Variants in GNG4 observed in about 807,000 individuals in gnomAD.
The protein encoded by GNG4 is guanine nucleotide-binding protein G(I)/G(S)/G(O) subunit gamma-4.
GNG4 carries 4 observed loss-of-function variants against 5.8 expected under a neutral mutation model. The observed-to-expected ratio is 0.69, with a 90% CI of 0.34 to 1.57. The LOEUF is 1.57. Among genes scored for constraint, GNG4 ranks in the 40% most tolerant of loss-of-function variants. The probability of loss-of-function intolerance (pLI) is 0.06; values close to 1 mark genes in which losing one functional copy is unlikely to be tolerated. For missense variants in GNG4, 96 were observed against 95.1 expected (o/e 1.01, Z -0.04); for synonymous variants, 29 against 32.9 (o/e 0.88, Z 0.41).
chr1:235,637,097 T>C (rs1411006165), intron 1 of GNG4, among the ~76,000 whole-genome samples: 1 of 151,350 alleles, frequency 6.6e-6, no homozygotes, highest in African/African-American at 2.4e-5. Context: ...GGCATTTCTG[T>C]AAAGATCAAG....
chr1:235,590,802 C>T (rs115160806), intron 2 of GNG4, among the ~76,000 whole-genome samples: 2,697 of 152,296 alleles, frequency 0.018, 62 homozygotes, highest in African/African-American at 0.048. Context: ...AGGAGAGCAC[C>T]ACTGCTGGCT....
At chr1:235,628,126 G>A (rs1688855342) in intron 1 of GNG4, among the ~76,000 whole-genome samples, 1 of 152,184 alleles carries the variant, frequency 6.6e-6, no homozygotes, top group African/African-American at 2.4e-5. Context: ...GTTGCAGTGG[G>A]CTGAGATTGT....
chr1:235,606,646 G>A (rs1324484784), intron 1 of GNG4, among the ~76,000 whole-genome samples: 1 of 152,150 alleles, frequency 6.6e-6, no homozygotes, highest in Non-Finnish European at 1.5e-5. Flanking sequence ...AACTTAGGAG[G>A]CCTTTGGGAA....
Position 235,649,069 on chromosome 1 carries a change from T to A in GNG4, c.-123+593A>T, listed in dbSNP as rs529044020. 3.3e-5 allele frequency among the ~76,000 whole-genome samples: 5 copies of A among 151,946 alleles called. No individual in the cohort carries two copies. The highest frequency in any genetic ancestry group is 7.4e-5 in the Non-Finnish European group (5 of 67,974). On this transcript the variant is annotated intron_variant, in intron 1 of 3. Coordinates refer to ENST00000391854, the MANE Select transcript of GNG4 (RefSeq NM_001098722.2). This position sits in a 1 kb window ranked among gnomAD's most constrained non-coding sequence, Gnocchi z 5.7. Reference sequence around the variant, plus strand: ...CGCGGCGAACGAAGCACATTTCAGTTCAGCACCAGCCTCGGGGACAGACGC... The same window carrying A: ...CGCGGCGAACGAAGCACATTTCAGTACAGCACCAGCCTCGGGGACAGACGC...
intron 1 of GNG4, among the ~76,000 whole-genome samples, chr1:235,609,392 C>T (rs1048227339): frequency 6.6e-6 from 1 of 152,140 alleles, no homozygotes; most frequent in African/African-American, 2.4e-5. Flanking sequence ...TCTTCACATC[C>T]TTGCCAACAT....
At chr1:235,620,672 A>T (rs1433805220) in intron 1 of GNG4, among the ~76,000 whole-genome samples, 1 of 152,036 alleles carries the variant, frequency 6.6e-6, no homozygotes, top group Non-Finnish European at 1.5e-5. Context: ...TGTAGCTGGG[A>T]CTACAGGTGC....
chr1:235,550,345 G>A lies in GNG4; in HGVS notation c.*1764C>T, dbSNP rs1686710055. Reference sequence around the variant, plus strand: ...CGGTGTGCAGTTATGATAGTTTGTGGGTCTCCCTACCTGCAAACAGGTAGA... The same window carrying A: ...CGGTGTGCAGTTATGATAGTTTGTGAGTCTCCCTACCTGCAAACAGGTAGA... On this transcript the variant is annotated 3_prime_UTR_variant, in exon 4 of 4. Coordinates refer to ENST00000391854, the MANE Select transcript of GNG4 (RefSeq NM_001098722.2). The A allele has an allele frequency of 6.6e-6, 1 of 152,192 alleles. No individual in the cohort carries two copies. Among genetic ancestry groups the A allele is most frequent in the Admixed American group, 6.5e-5 (1 of 15,280 alleles). 9.4% of individuals were successfully genotyped at this position (152,192 alleles called of 1,614,324 possible). A position where few individuals can be genotyped will look rare whatever the true frequency, so the allele number is the denominator to read the frequency against.
intron 1 of GNG4, among the ~76,000 whole-genome samples, chr1:235,639,835 C>T (rs960518510): frequency 6.6e-6 from 1 of 152,218 alleles, no homozygotes. Context: ...CTCTGTCTCC[C>T]TCACTGGATT....
rs75783182 is a variant in GNG4 at position 235,564,253 on chromosome 1, C to G, written c.100-12016G>C. Among the ~76,000 whole-genome samples the G allele has an allele frequency of 1.1e-3, 172 of 152,020 alleles. 1 individual carries two copies. The East Asian group carries it at 0.019, about 17-fold the overall frequency. ...GTCACAAAGATGGGAATAGGAGACA[C>G]CAGGAACGAGAGACACACTACTTGA... On this transcript the variant is annotated intron_variant, in intron 3 of 3. Coordinates refer to ENST00000391854, the MANE Select transcript of GNG4 (RefSeq NM_001098722.2).
intron 2 of GNG4, among the ~76,000 whole-genome samples, chr1:235,594,056 G>A (rs922867157): frequency 4.6e-5 from 7 of 152,158 alleles, no homozygotes; most frequent in Non-Finnish European, 1.0e-4. Flanking sequence ...TGATTGGTCC[G>A]TTTTGACAGG....
intron 1 of GNG4, among the ~76,000 whole-genome samples, chr1:235,603,935 G>A (rs1243957274): frequency 6.6e-6 from 1 of 152,102 alleles, no homozygotes; most frequent in African/African-American, 2.4e-5. Flanking sequence ...ACAACAGAAA[G>A]AGAAACTAGA....
intron 3 of GNG4, among the ~76,000 whole-genome samples, chr1:235,553,732 A>C (rs761003058): frequency 1.1e-4 from 16 of 152,236 alleles, no homozygotes; most frequent in Non-Finnish European, 2.1e-4. Flanking sequence ...ACATTTGTTA[A>C]GAATGTGGCA....
At position 235,551,150 on chromosome 1, in the gene GNG4, G is replaced by A. The variant is rs959749289; in HGVS notation, c.*959C>T. 1 of 152,220 alleles carries A rather than the reference G, an allele frequency of 6.6e-6. No individual in the cohort carries two copies. Among genetic ancestry groups the A allele is most frequent in the Admixed American group, 6.5e-5 (1 of 15,274 alleles). 9.4% of individuals were successfully genotyped at this position (152,220 alleles called of 1,614,324 possible). On this transcript the variant is annotated 3_prime_UTR_variant, in exon 4 of 4. Coordinates refer to ENST00000391854, the MANE Select transcript of GNG4 (RefSeq NM_001098722.2). Reference sequence around the variant, plus strand: ...GTACTTTTACAGTCAAGTTGACTTCGGTGTCCGCCCACCATCTACCTTTGT... The same window carrying A: ...GTACTTTTACAGTCAAGTTGACTTCAGTGTCCGCCCACCATCTACCTTTGT...
At chr1:235,611,169 CTCTT>C (rs951916584) in intron 1 of GNG4, among the ~76,000 whole-genome samples, 5 of 151,420 alleles carry the variant, frequency 3.3e-5, no homozygotes, top group African/African-American at 1.2e-4. Context: ...CTCTCTCTCT[CTCTT>C]TTTTTTTTTT....
intron 3 of GNG4, among the ~76,000 whole-genome samples, chr1:235,575,045 G>A (rs568842263): frequency 6.6e-6 from 1 of 152,176 alleles, no homozygotes; most frequent in African/African-American, 2.4e-5. Context: ...GGCTAGTCTC[G>A]AACTCCTGAC....
chr1:235,587,147 TGTGGG>T (rs1231572365), intron 2 of GNG4, among the ~76,000 whole-genome samples: 4 of 142,954 alleles, frequency 2.8e-5, no homozygotes, highest in Non-Finnish European at 6.1e-5. Context: ...TGTGTGAAAG[TGTGGG>T]GTGGGGGTGA....
intron 1 of GNG4, among the ~76,000 whole-genome samples, chr1:235,623,595 C>T (rs1688752047): frequency 6.6e-6 from 1 of 152,208 alleles, no homozygotes; most frequent in African/African-American, 2.4e-5. Context: ...CTCCATATGC[C>T]ACTCCCTCTG....
At chr1:235,569,778 CT>C (rs758765995) in intron 3 of GNG4, among the ~76,000 whole-genome samples, 56 of 152,232 alleles carry the variant, frequency 3.7e-4, no homozygotes, top group South Asian at 1.0e-3. Flanking sequence ...ATTGGCCAGG[CT>C]GGTCTCGAAC....
At chr1:235,622,276 A>G (rs192565400) in intron 1 of GNG4, among the ~76,000 whole-genome samples, 218 of 152,270 alleles carry the variant, frequency 1.4e-3, no homozygotes, top group Middle Eastern at 6.8e-3. Context: ...ATCTCAGCTT[A>G]ATTTTTAGTC....
Sources: gnomAD v4.1 joint callset for allele counts (sites outside exome capture counted in the v4.1 genomes callset) on GRCh38, gnomAD v4.1.1 for gene constraint, Gnocchi (gnomAD v3.1) non-coding constraint, MANE v1.5 for transcripts, NCBI Gene and HGNC (gene_info 2026-07-23, HGNC 2026-07-21) for gene names.